The following TRRAP variants were observed in gnomAD, a reference collection of about 807,000 sequenced individuals.
The protein encoded by TRRAP is transformation/transcription domain associated protein.
In TRRAP, 41 loss-of-function variants were observed where a neutral mutation model predicts 438.8. The ratio of observed to expected loss-of-function variants is 0.09; its 90% CI spans 0.07 to 0.12. The LOEUF is 0.12. Ranked by LOEUF, TRRAP falls within the 10% of genes least tolerant of loss-of-function variation. The probability of loss-of-function intolerance (pLI) is 1.00; values close to 1 mark genes in which losing one functional copy is unlikely to be tolerated. For synonymous variants in TRRAP, 1,994 were observed against 1,962.9 expected (o/e 1.02, Z -0.42); for missense variants, 3,122 against 5,055.1 (o/e 0.62, Z 11.60).
chr7:98,928,819 G>A (rs1032594647), intron 23 of TRRAP, among the ~76,000 whole-genome samples: 1 of 151,958 alleles, frequency 6.6e-6, no homozygotes, highest in Non-Finnish European at 1.5e-5. Context: ...TGTTGCCCAG[G>A]CTGGAGTGCA....
chr7:99,009,631 G>A (rs1309433466), intron 70 of TRRAP, among the ~76,000 whole-genome samples: 1 of 152,186 alleles, frequency 6.6e-6, no homozygotes, highest in Non-Finnish European at 1.5e-5. Context: ...ATTTGCAGGA[G>A]AGGAATGGAT....
intron 3 of TRRAP, among the ~76,000 whole-genome samples, chr7:98,888,570 A>T (rs1196507198): frequency 6.6e-6 from 1 of 152,210 alleles, no homozygotes; most frequent in Non-Finnish European, 1.5e-5. Flanking sequence ...CCTTTCTCTT[A>T]TGCTTCCTTC....
intron 67 of TRRAP, among the ~76,000 whole-genome samples, chr7:99,001,018 A>G (rs1793895946): frequency 6.6e-6 from 1 of 152,362 alleles, no homozygotes; most frequent in East Asian, 1.9e-4. Flanking sequence ...TGTGGTATTC[A>G]AAGAATCTCC....
intron 56 of TRRAP, among the ~76,000 whole-genome samples, chr7:98,977,601 G>C (rs1167104884): frequency 6.6e-6 from 1 of 152,248 alleles, no homozygotes; most frequent in African/African-American, 2.4e-5. Context: ...TTAGATGCCA[G>C]CGTGGATGCT....
intron 56 of TRRAP, 89 bp downstream of exon 56, chr7:98,977,165 A>G: frequency 8.3e-6 from 13 of 1,565,964 alleles, no homozygotes; most frequent in Non-Finnish European, 1.1e-5. Context: ...GTCGGAGTTC[A>G]CGTTCTCTTT....
chr7:98,955,566 T>C (rs962993035), intron 41 of TRRAP, among the ~76,000 whole-genome samples: 6 of 152,210 alleles, frequency 3.9e-5, no homozygotes, highest in Non-Finnish European at 5.9e-5. Flanking sequence ...TTAACCCTTG[T>C]ATGCTGCTAA....
intron 36 of TRRAP, 23 bp downstream of exon 36, chr7:98,949,604 C>G: frequency 5.7e-6 from 9 of 1,586,932 alleles, no homozygotes; most frequent in Non-Finnish European, 7.7e-6. Context: ...CCTCCAGCCC[C>G]CAATGCCCAG....
In TRRAP at chr7:98,994,114, C is replaced by T. The variant is rs1793541337; in HGVS notation, c.10047+377C>T. 1.3e-5 allele frequency among the ~76,000 whole-genome samples: 2 copies of T among 152,180 alleles called. No homozygotes were observed. The highest frequency in any genetic ancestry group is 4.8e-5 in the African/African-American group (2 of 41,444). ...AGGGATGTGGGGTCTTTTCAGCAGT[C>T]AGACCACTTCCTTAATAACGTTGGC... On this transcript the variant is annotated intron_variant, in intron 66 of 72. Transcript: ENST00000456197. The surrounding 1 kb of genome is among the most constrained non-coding windows in gnomAD (Gnocchi z 4.8).
At chr7:98,991,718 A>G (rs914393974) in intron 64 of TRRAP, among the ~76,000 whole-genome samples, 1 of 152,240 alleles carries the variant, frequency 6.6e-6, no homozygotes, top group African/African-American at 2.4e-5. Flanking sequence ...TAGGCAGAAT[A>G]AAGTTATTTG....
At chr7:98,933,970 C>G (rs573649499) in intron 27 of TRRAP, among the ~76,000 whole-genome samples, 5 of 152,348 alleles carry the variant, frequency 3.3e-5, no homozygotes, top group Non-Finnish European at 7.3e-5. Context: ...TTATTTAGAG[C>G]ATGATTCCTA....
intron 30 of TRRAP, among the ~76,000 whole-genome samples, chr7:98,941,367 G>T (rs559902860): frequency 2.0e-5 from 3 of 152,204 alleles, no homozygotes; most frequent in Admixed American, 2.0e-4. Context: ...GTAGAGACCA[G>T]GTCACACCAT....
chr7:99,000,694 C>T lies in TRRAP; in HGVS notation c.10310-3496C>T, dbSNP rs578174401. ...CTGCCCCAGCGCTGGGATCAGAGGG[C>T]GCTGTGTGGGCCTGTGAGCAATGGG... On this transcript the variant is annotated intron_variant, in intron 67 of 72. Transcript: ENST00000456197. 1.3e-3 allele frequency among the ~76,000 whole-genome samples: 202 copies of T among 152,352 alleles called. 1 individual carries two copies. The Middle Eastern group carries it at 0.017, about 13-fold the overall frequency.
chr7:98,893,695 C>G, intron 5 of TRRAP, 103 bp from the exon 6 acceptor site: 1 of 1,025,370 alleles, frequency 9.8e-7, no homozygotes. Context: ...TCAGCAAATC[C>G]AATAGTTGGT....
chr7:98,931,876 T>C (rs1584327195), intron 26 of TRRAP, among the ~76,000 whole-genome samples: 2 of 152,160 alleles, frequency 1.3e-5, no homozygotes, highest in East Asian at 3.8e-4. Context: ...TATGCACATA[T>C]TCTGTGTACT....
intron 4 of TRRAP, among the ~76,000 whole-genome samples, chr7:98,891,282 G>A (rs1483477902): frequency 6.9e-6 from 1 of 145,110 alleles, no homozygotes; most frequent in Non-Finnish European, 1.5e-5. Flanking sequence ...CACGAACTCA[G>A]CTCACTGCAA....
intron 40 of TRRAP, 109 bp downstream of exon 40, chr7:98,953,542 TA>T (rs1237240132): frequency 6.9e-7 from 1 of 1,450,546 alleles, no homozygotes; most frequent in South Asian, 1.3e-5. Flanking sequence ...CCAAAACCAA[TA>T]AAAACCATGA....
At chr7:98,972,347 C>T (rs76358614) in intron 53 of TRRAP, among the ~76,000 whole-genome samples, 156 of 152,276 alleles carry the variant, frequency 1.0e-3, no homozygotes, top group African/African-American at 3.6e-3. Context: ...TGGAGTGTCA[C>T]AGTGTCTTAT....
At chr7:98,917,737 T>G in intron 20 of TRRAP, 58 bp downstream of exon 20, 7 of 1,580,948 alleles carry the variant, frequency 4.4e-6, no homozygotes, top group Non-Finnish European at 6.0e-6. Context: ...GGGCCGTCAT[T>G]GGGTTCTCTG....
chr7:98,921,702 C>T lies in TRRAP; in HGVS notation c.2623-51C>T, dbSNP rs782757613. On this transcript the variant is annotated intron_variant, in intron 20 of 72. Transcript: ENST00000456197. ...CCCTTTTGAGTTTTGATCCGAACCT[C>T]GTGAAGGCATTACCTTAAGAGGACC... 27 of 1,607,298 alleles carry T rather than the reference C, an allele frequency of 1.7e-5. No individual in the cohort carries two copies. In the Admixed American group the frequency reaches 3.7e-4, roughly 22 times the overall value.
Sources: gnomAD v4.1 joint callset for allele counts (sites outside exome capture counted in the v4.1 genomes callset) on GRCh38, gnomAD v4.1.1 for gene constraint, Gnocchi (gnomAD v3.1) non-coding constraint, MANE v1.5 for transcripts, NCBI Gene and HGNC (gene_info 2026-07-23, HGNC 2026-07-21) for gene names.